Variants in DEAF1 observed in about 807,000 individuals in gnomAD.
DEAF1 encodes the protein deformed epidermal autoregulatory factor 1 homolog.
Under a neutral mutation model 58.9 loss-of-function variants are expected in DEAF1, and 53 were observed. That is an observed-to-expected ratio of 0.90 (90% CI 0.72 to 1.13). The LOEUF (loss-of-function observed/expected upper bound fraction) is 1.13, where lower values mean the gene tolerates loss of function less well. Among genes scored for constraint, DEAF1 ranks in the 50% most tolerant of loss-of-function variants. The pLI, the probability that DEAF1 is intolerant of heterozygous loss-of-function variation, is 0.00. For missense variants in DEAF1, 685 were observed against 791.4 expected (o/e 0.87, Z 1.61); for synonymous variants, 385 against 340.4 (o/e 1.13, Z -1.44).
At position 688,209 on chromosome 11, in the gene DEAF1, C is replaced by A; in HGVS notation, c.517+122G>T. On this transcript the variant is annotated intron_variant, in intron 3 of 11. Coordinates refer to ENST00000382409, the MANE Select transcript of DEAF1 (RefSeq NM_021008.4). This position sits in a 1 kb window ranked among gnomAD's most constrained non-coding sequence, Gnocchi z 4.3. ...AAATTCCAATGCTTTTACTTAAAAT[C>A]TATTAATAGATGATATTCCAAATTT... 6.6e-7 allele frequency: 1 copy of A among 1,514,844 alleles called. No homozygotes were observed. The highest frequency in any genetic ancestry group is 8.9e-7 in the Non-Finnish European group (1 of 1,119,080). 93.8% of individuals were successfully genotyped at this position (1,514,844 alleles called of 1,614,324 possible).
chr11:648,215 G>C (rs1451064453), intron 11 of DEAF1, among the ~76,000 whole-genome samples: 1 of 104,758 alleles, frequency 9.5e-6, no homozygotes, highest in Admixed American at 9.7e-5. Flanking sequence ...TTTTTTTTGA[G>C]ACGGAGTCTC....
At chr11:681,952 T>C (rs1860394316) in intron 6 of DEAF1, among the ~76,000 whole-genome samples, 1 of 152,218 alleles carries the variant, frequency 6.6e-6, no homozygotes, top group African/African-American at 2.4e-5. Flanking sequence ...TCATCTTTTG[T>C]TAAGAATCAG....
chr11:700,834 G>T lies in DEAF1; in HGVS notation c.-438+5738C>A, dbSNP rs115853531. On this transcript the variant is annotated intron_variant, in intron 1 of 11. Transcript: ENST00000683307. ...ATTTTTTATCCAAACTGCTTACCCA[G>T]TTGCTTTGCAGGCTCACCTTACAGT... is the stretch of plus-strand genomic sequence containing the variant. 1,866 of 913,384 alleles carry T rather than the reference G, an allele frequency of 2.0e-3. 28 individuals carry two copies. In the African/African-American group the frequency reaches 0.028, roughly 13 times the overall value. The allele number at this position is 913,384 out of a possible 1,614,324, so 56.6% of individuals were successfully genotyped here.
Position 703,485 on chromosome 11 carries a change from C to T in DEAF1, c.-438+3087G>A, listed in dbSNP as rs139893832. 9.7e-4 allele frequency: 1,222 copies of T among 1,255,478 alleles called. 1 individual carries two copies. Among genetic ancestry groups the T allele is most frequent in the Middle Eastern group, 1.5e-3 (5 of 3,284 alleles). 77.8% of individuals were successfully genotyped at this position (1,255,478 alleles called of 1,614,324 possible). On this transcript the variant is annotated intron_variant, in intron 1 of 11. Coordinates refer to the DEAF1 transcript ENST00000683307. ...ACAGACCCCCATGGGCCCCCAGGGCCGAGAGGGAGGACAGAGCCCTTCAGA... is the reference window on the plus strand; with the variant it reads ...ACAGACCCCCATGGGCCCCCAGGGCTGAGAGGGAGGACAGAGCCCTTCAGA...
chr11:701,527 C>T (rs2133469687), intron 1 of DEAF1, among the ~76,000 whole-genome samples: 1 of 150,832 alleles, frequency 6.6e-6, no homozygotes, highest in Non-Finnish European at 1.5e-5. Context: ...TCTCCTGTCT[C>T]AGCCTCCCGA....
rs1860623326 is a variant in DEAF1 at position 687,013 on chromosome 11, G to A, written c.665-16C>T. On this transcript the variant is annotated splice_polypyrimidine_tract_variant and intron_variant, in intron 4 of 11. Transcript: ENST00000382409. ...CCCCGGCCGCCTGCAAGGAAGGGCA[G>A]CAGTCATGATGATGGCAGGTGGGAA... 6.2e-7 allele frequency: 1 copy of A among 1,613,788 alleles called. No individual in the cohort carries two copies.
intron 2 of DEAF1, among the ~76,000 whole-genome samples, chr11:689,299 G>A (rs529198393): frequency 2.9e-4 from 43 of 148,154 alleles, no homozygotes; most frequent in Middle Eastern, 3.6e-3. Flanking sequence ...TCCGCCTCCC[G>A]GGTTCACGCT....
chr11:691,605 C>T lies in DEAF1; in HGVS notation c.290-7G>A. On this transcript the variant is annotated splice_polypyrimidine_tract_variant and splice_region_variant and intron_variant, in intron 1 of 11. Transcript: ENST00000382409. ...ACTGTCACTGTGGTCACCTCTGCAA[C>T]AGAAGGAGCCTCATTTAACAAGCAA... 6.2e-7 allele frequency: 1 copy of T among 1,612,788 alleles called. No individual in the cohort carries two copies. The highest frequency in any genetic ancestry group is 2.2e-5 in the East Asian group (1 of 44,890).
In DEAF1 at chr11:654,028, C is replaced by T; in HGVS notation, c.1527G>A (p.Arg509=). The change falls in exon 11 of 12, where the codon CGG becomes CGA. Residue 509 remains arginine (R), a synonymous_variant. Transcript: ENST00000382409. ...RKEQSCVNCG[R]EAMSECTGCH... ...AGCCGGTGCACTCGCTCATAGCCTC[C>T]CGGCCGCAGTTAACGCAGGACTGCT... The T allele has an allele frequency of 6.2e-7, 1 of 1,613,750 alleles. No individual in the cohort carries two copies. The highest frequency in any genetic ancestry group is 8.5e-7 in the Non-Finnish European group (1 of 1,179,962).
Position 678,748 on chromosome 11 carries a change from A to C in DEAF1, c.1201T>G (p.Cys401Gly). Residue 401 changes from cysteine (C) to glycine (G), a missense_variant, in exon 9 of 12, where the codon TGC (cysteine) becomes GGC (glycine). Physicochemically the swap from Cys to Gly is radical, Grantham distance 159. Coordinates refer to ENST00000382409, the MANE Select transcript of DEAF1 (RefSeq NM_021008.4). ...EPHYPGYQDS[C>G]QIAPFPEAAL... ...GCTTCTGGAAACGGTGCGATCTGGCAGCTGTCCTGATAGCCGGGGTAGTGA... is the reference window on the plus strand; with the variant it reads ...GCTTCTGGAAACGGTGCGATCTGGCCGCTGTCCTGATAGCCGGGGTAGTGA... 1 of 1,614,214 alleles carries C rather than the reference A, an allele frequency of 6.2e-7. No individual in the cohort carries two copies. The highest frequency in any genetic ancestry group is 8.5e-7 in the Non-Finnish European group (1 of 1,180,022).
At chr11:652,041 C>T (rs933076228) in intron 11 of DEAF1, among the ~76,000 whole-genome samples, 10 of 152,158 alleles carry the variant, frequency 6.6e-5, no homozygotes, top group African/African-American at 2.4e-4. Context: ...TAATACTCCA[C>T]CCAACAGAGC....
intron 1 of DEAF1, chr11:703,201 C>G (rs1435497556): frequency 6.5e-7 from 1 of 1,538,664 alleles, no homozygotes; most frequent in African/African-American, 1.4e-5. Flanking sequence ...TGGGCCTGAC[C>G]AGTCCCCCAG....
chr11:657,929 A>G (rs1859137730), intron 10 of DEAF1, among the ~76,000 whole-genome samples: 1 of 152,126 alleles, frequency 6.6e-6, no homozygotes, highest in South Asian at 2.1e-4. Flanking sequence ...AAGGTCCTAG[A>G]GCAGAAACAG....
intron 4 of DEAF1, 39 bp from the exon 5 acceptor site, chr11:687,036 G>A (rs769637345): frequency 6.2e-7 from 1 of 1,612,448 alleles, no homozygotes; most frequent in East Asian, 2.2e-5. Context: ...TGGCAGGTGG[G>A]AACGTCACCT....
intron 1 of DEAF1, among the ~76,000 whole-genome samples, chr11:702,248 C>T (rs1861531847): frequency 6.6e-6 from 1 of 152,262 alleles, no homozygotes; most frequent in Non-Finnish European, 1.5e-5. Context: ...CTTGTCTGCA[C>T]TTACGTCCCA....
intron 10 of DEAF1, among the ~76,000 whole-genome samples, chr11:657,536 G>A (rs529904400): frequency 1.1e-4 from 17 of 152,236 alleles, no homozygotes; most frequent in South Asian, 4.1e-4. Flanking sequence ...AGATCCTCCC[G>A]TCTAGGAGAA....
Position 647,483 on chromosome 11 carries a change from G to A in DEAF1, c.1594-2829C>T, listed in dbSNP as rs145259656. On this transcript the variant is annotated intron_variant, in intron 11 of 11. Transcript: ENST00000382409. ...AACAGAAACAAAACCAAAAACAAAC[G>A]AACAAATAAAAACCAAAAATAAGTA... Among the ~76,000 whole-genome samples, 143 of 152,032 alleles carry A rather than the reference G, an allele frequency of 9.4e-4. 1 individual carries two copies. Among genetic ancestry groups the A allele is most frequent in the Admixed American group, 7.9e-3 (121 of 15,232 alleles).
chr11:703,132 C>T (rs371143645), intron 1 of DEAF1: 32 of 1,608,364 alleles, frequency 2.0e-5, no homozygotes, highest in Admixed American at 8.4e-5. Context: ...TGGTTGCCAT[C>T]GCGGCCTTCA....
chr11:694,517 G>C (rs1157996782), intron 1 of DEAF1: 3 of 357,818 alleles, frequency 8.4e-6, no homozygotes, highest in African/African-American at 2.2e-5. Context: ...GCAGGTGTGA[G>C]AGGCAGATGT....
Sources: allele counts gnomAD v4.1 joint callset (sites outside exome capture counted in the v4.1 genomes callset), GRCh38; gene constraint gnomAD v4.1.1; non-coding constraint Gnocchi (gnomAD v3.1); transcripts MANE v1.5; gene names NCBI Gene and HGNC (gene_info 2026-07-23, HGNC 2026-07-21).